Variants in CREBBP observed in about 807,000 individuals in gnomAD.
The protein encoded by CREBBP is CREB-binding protein.
CREBBP carries 19 observed loss-of-function variants against 265.0 expected under a neutral mutation model. The ratio of observed to expected loss-of-function variants is 0.07; its 90% CI spans 0.05 to 0.11. CREBBP has a LOEUF of 0.11. CREBBP is among the 10% of genes least tolerant of loss of function. The probability of loss-of-function intolerance (pLI) is 1.00; values close to 1 mark genes in which losing one functional copy is unlikely to be tolerated. For synonymous variants in CREBBP, 1,457 were observed against 1,223.7 expected, an observed-to-expected ratio of 1.19 and a Z score of -3.98; for missense variants, 2,525 against 3,219.0, an observed-to-expected ratio of 0.78 and a Z score of 5.22.
intron 2 of CREBBP, among the ~76,000 whole-genome samples, chr16:3,838,955 C>A (rs947908673): frequency 1.4e-4 from 22 of 152,168 alleles, no homozygotes; most frequent in African/African-American, 5.1e-4. Context: ...GGCACAGCAC[C>A]TCGCTAGTTC....
intron 1 of CREBBP, among the ~76,000 whole-genome samples, chr16:3,852,849 T>C (rs767628742): frequency 3.3e-5 from 5 of 152,096 alleles, no homozygotes; most frequent in Non-Finnish European, 7.3e-5. Context: ...GGTCTACACA[T>C]GTCATCTCTA....
At chr16:3,745,179 T>A in intron 22 of CREBBP, 98 bp downstream of exon 22, 1 of 1,168,210 alleles carries the variant, frequency 8.6e-7, no homozygotes, top group Non-Finnish European at 1.3e-6. Flanking sequence ...ATCGCTGAAT[T>A]CTTGCTGACA....
At chr16:3,737,965 T>G (rs2052110123) in intron 26 of CREBBP, among the ~76,000 whole-genome samples, 1 of 151,826 alleles carries the variant, frequency 6.6e-6, no homozygotes, top group Non-Finnish European at 1.5e-5. Context: ...CTTTTGTATT[T>G]TTAGTAGAGA....
rs368664039 is a variant in CREBBP, at chr16:3,773,799, C to T, written c.2415G>A (p.Ala805=). The T allele has an allele frequency of 2.8e-5, 45 of 1,613,514 alleles. No individual in the cohort carries two copies. The highest frequency in any genetic ancestry group is 1.2e-4 in the Admixed American group (7 of 60,016). The part of the protein sequence containing the change: ...PQNQFPSSSG[A]MSVGMGQPPA... ...GCGGCTGCCCCATGCCCACACTCAT[C>T]GCCCCGCTGGATGACGGGAACTGGT... is the stretch of plus-strand genomic sequence containing the variant. Residue 805 remains alanine (A), a synonymous_variant, in exon 13 of 31, where the codon GCG becomes GCA. Coordinates refer to ENST00000262367, the MANE Select transcript of CREBBP (RefSeq NM_004380.3).
At position 3,850,494 on chromosome 16, in the gene CREBBP, C is replaced by A. The variant is rs374738860; in HGVS notation, c.601G>T (p.Ala201Ser). 2 of 1,614,196 alleles carry A rather than the reference C, an allele frequency of 1.2e-6. No homozygotes were observed. The highest frequency in any genetic ancestry group is 2.2e-5 in the East Asian group (1 of 44,886). Residue 201 changes from alanine to serine, a missense_variant, in exon 2 of 31, where the codon GCT (alanine) becomes TCT (serine). Around this residue, in one of 19 missense-constraint regions of CREBBP, gnomAD observed 356 missense variants for 340.4 expected, o/e 1.05. Coordinates refer to ENST00000262367, the MANE Select transcript of CREBBP (RefSeq NM_004380.3). The part of the protein sequence containing the change: ...SNSGHSLINQ[A>S]SQGQAQVMNG... Reference sequence around the variant, plus strand: ...ATGACTTGCGCCTGCCCTTGTGAAGCCTGATTAATTAAGCTATGGCCAGAG... The same window carrying A: ...ATGACTTGCGCCTGCCCTTGTGAAGACTGATTAATTAAGCTATGGCCAGAG...
At chr16:3,852,470 C>T (rs1374148896) in intron 1 of CREBBP, among the ~76,000 whole-genome samples, 3 of 151,866 alleles carry the variant, frequency 2.0e-5, no homozygotes, top group African/African-American at 7.3e-5. Context: ...CGTGCCCGGC[C>T]GATTACATTA....
At chr16:3,874,148 C>G (rs186556969) in intron 1 of CREBBP, among the ~76,000 whole-genome samples, 3 of 152,206 alleles carry the variant, frequency 2.0e-5, no homozygotes, top group African/African-American at 7.2e-5. Flanking sequence ...AACCGGTCAC[C>G]AGGCTTTCTG....
chr16:3,857,507 A>G (rs2054987882), intron 1 of CREBBP, among the ~76,000 whole-genome samples: 1 of 152,182 alleles, frequency 6.6e-6, no homozygotes, highest in Non-Finnish European at 1.5e-5. Flanking sequence ...AGGCCAGGAT[A>G]TTGCAACACA....
At chr16:3,732,775 A>G (rs1006328013) in intron 28 of CREBBP, among the ~76,000 whole-genome samples, 1 of 151,924 alleles carries the variant, frequency 6.6e-6, no homozygotes, top group Non-Finnish European at 1.5e-5. Flanking sequence ...ATCTCGGCTC[A>G]CTGCAACCTC....
intron 2 of CREBBP, among the ~76,000 whole-genome samples, chr16:3,836,382 C>A (rs148252509): frequency 6.9e-6 from 1 of 144,804 alleles, no homozygotes; most frequent in African/African-American, 2.6e-5. Context: ...TGCAGTGAGC[C>A]GAGATTGCGC....
At chr16:3,861,077 C>T (rs568440469) in intron 1 of CREBBP, among the ~76,000 whole-genome samples, 8 of 152,114 alleles carry the variant, frequency 5.3e-5, no homozygotes, top group African/African-American at 1.7e-4. Context: ...TCGAAACCAG[C>T]CTAGCCAACA....
intron 30 of CREBBP, among the ~76,000 whole-genome samples, chr16:3,730,103 G>A (rs1478982354): frequency 1.3e-5 from 2 of 152,168 alleles, no homozygotes; most frequent in Admixed American, 1.3e-4. Flanking sequence ...ATGGGATCAT[G>A]GACAGGACGG....
Position 3,818,350 on chromosome 16 carries a change from C to G in CREBBP, c.799-7571G>C, listed in dbSNP as rs150634767. 3.0e-3 allele frequency among the ~76,000 whole-genome samples: 446 copies of G among 148,426 alleles called. 1 individual carries two copies. Among genetic ancestry groups the G allele is most frequent in the Middle Eastern group, 6.9e-3 (2 of 290 alleles). On this transcript the variant is annotated intron_variant, in intron 2 of 30. Transcript: ENST00000262367. ...GAGATGGAGTCTCACTCTTGTTGCC[C>G]AGGCTGGAGTGTAGTGGCACCGTCC...
At chr16:3,861,912 C>T (rs2055083420) in intron 1 of CREBBP, among the ~76,000 whole-genome samples, 1 of 152,120 alleles carries the variant, frequency 6.6e-6, no homozygotes, top group African/African-American at 2.4e-5. Flanking sequence ...GTGATCTTAT[C>T]TTGAGTAAGT....
intron 3 of CREBBP, among the ~76,000 whole-genome samples, chr16:3,795,946 TG>T (rs1285308105): frequency 1.3e-5 from 2 of 152,360 alleles, no homozygotes; most frequent in Admixed American, 6.5e-5. Flanking sequence ...TTTCTCTGGT[TG>T]TCCAAAACAT....
At chr16:3,734,675 G>A (rs987130219) in intron 28 of CREBBP, among the ~76,000 whole-genome samples, 2 of 152,204 alleles carry the variant, frequency 1.3e-5, no homozygotes, top group Non-Finnish European at 2.9e-5. Context: ...CACCTAGGGC[G>A]TAAACCCACG....
chr16:3,855,857 G>A (rs546933027), intron 1 of CREBBP, among the ~76,000 whole-genome samples: 1 of 152,254 alleles, frequency 6.6e-6, no homozygotes, highest in East Asian at 1.9e-4. Context: ...GTATTAAAAA[G>A]TCCTCTCTAT....
intron 16 of CREBBP, among the ~76,000 whole-genome samples, chr16:3,759,495 G>C (rs2052661112): frequency 6.6e-6 from 1 of 151,386 alleles, no homozygotes; most frequent in African/African-American, 2.4e-5. Context: ...GGTGAGAAAG[G>C]AAAATTGCTT....
At chr16:3,844,451 G>C (rs1034964160) in intron 2 of CREBBP, among the ~76,000 whole-genome samples, 1 of 152,096 alleles carries the variant, frequency 6.6e-6, no homozygotes, top group Non-Finnish European at 1.5e-5. Context: ...AAAGAAATTT[G>C]ATAAAACCTA....
Sources: allele counts gnomAD v4.1 joint callset (sites outside exome capture counted in the v4.1 genomes callset), GRCh38; gene constraint gnomAD v4.1.1; regional missense constraint gnomAD v4.1.1; transcripts MANE v1.5; gene names NCBI Gene and HGNC (gene_info 2026-07-23, HGNC 2026-07-21).